The following MAP2K5 variants were observed in gnomAD, a reference collection of about 807,000 sequenced individuals.
MAP2K5 encodes mitogen-activated protein kinase kinase 5.
MAP2K5 carries 49 observed loss-of-function variants against 83.1 expected under a neutral mutation model. That is an observed-to-expected ratio of 0.59 (90% CI 0.47 to 0.75). The LOEUF (loss-of-function observed/expected upper bound fraction) is 0.75. Among genes scored for constraint, MAP2K5 ranks in the 30% least tolerant of loss-of-function variants. The probability of loss-of-function intolerance (pLI) is 0.00; values close to 1 mark genes in which losing one functional copy is unlikely to be tolerated. For synonymous variants in MAP2K5, 202 were observed against 191.8 expected (o/e 1.05, Z -0.44); for missense variants, 457 against 557.5 (o/e 0.82, Z 1.82).
At chr15:67,660,567 G>A (rs1168573030) in intron 12 of MAP2K5, among the ~76,000 whole-genome samples, 2 of 152,124 alleles carry the variant, frequency 1.3e-5, no homozygotes, top group Non-Finnish European at 2.9e-5. Context: ...AAACACAAGG[G>A]TGCCATTGCC....
At chr15:67,682,040 T>A (rs1485058503) in intron 13 of MAP2K5, among the ~76,000 whole-genome samples, 1 of 152,224 alleles carries the variant, frequency 6.6e-6, no homozygotes. Context: ...AATGAAAAGC[T>A]GTATGCCTTC....
In MAP2K5 at chr15:67,758,998, C is replaced by G. The variant is rs925287473; in HGVS notation, c.1134+10397C>G. On this transcript the variant is annotated intron_variant, in intron 19 of 21. Coordinates refer to ENST00000178640, the MANE Select transcript of MAP2K5 (RefSeq NM_145160.3). This position sits in a 1 kb window ranked among gnomAD's most constrained non-coding sequence, Gnocchi z 4.7. ...TCAGTTTTGCTGTCTATATGAATGA[C>G]CGCACATCTTTCAGTTAATTGAATT... is the stretch of plus-strand genomic sequence containing the variant. Among the ~76,000 whole-genome samples the G allele has an allele frequency of 6.6e-6, 1 of 152,178 alleles. No homozygotes were observed. The highest frequency in any genetic ancestry group is 2.4e-5 in the African/African-American group (1 of 41,436).
At chr15:67,787,277 C>A (rs1420146263) in intron 21 of MAP2K5, among the ~76,000 whole-genome samples, 1 of 152,238 alleles carries the variant, frequency 6.6e-6, no homozygotes, top group East Asian at 1.9e-4. Context: ...GGATGGGAAA[C>A]CGAGTTCAGC....
intron 8 of MAP2K5, among the ~76,000 whole-genome samples, chr15:67,629,357 G>C (rs1170279745): frequency 1.3e-5 from 2 of 150,212 alleles, no homozygotes; most frequent in African/African-American, 4.9e-5. Flanking sequence ...CTGTTCCATG[G>C]AAAGTTTAAA....
In MAP2K5 at chr15:67,637,227, G is replaced by A. The variant is rs1011834666; in HGVS notation, c.585+6300G>A. ...TTGTGGGACTTCACCTTGTCATCCT[G>A]TGAGTCAATACTCCTTAATAAATTC... is the stretch of plus-strand genomic sequence containing the variant. On this transcript the variant is annotated intron_variant, in intron 9 of 21. Transcript: ENST00000178640. The surrounding 1 kb of genome is among the most constrained non-coding windows in gnomAD (Gnocchi z 4.5). 1.3e-5 allele frequency among the ~76,000 whole-genome samples: 2 copies of A among 152,126 alleles called. No homozygotes were observed. The highest frequency in any genetic ancestry group is 2.9e-5 in the Non-Finnish European group (2 of 68,032).
intron 4 of MAP2K5, among the ~76,000 whole-genome samples, chr15:67,581,553 C>T (rs1035581900): frequency 3.0e-4 from 46 of 152,184 alleles, no homozygotes; most frequent in Non-Finnish European, 2.9e-5. Context: ...TCCATGTTTT[C>T]TAACTAATGG....
In MAP2K5 at chr15:67,640,975, G is replaced by A. The variant is rs1246608053; in HGVS notation, c.586-5256G>A. Among the ~76,000 whole-genome samples the A allele has an allele frequency of 6.6e-6, 1 of 152,170 alleles. No individual in the cohort carries two copies. Among genetic ancestry groups the A allele is most frequent in the Non-Finnish European group, 1.5e-5 (1 of 68,010 alleles). On this transcript the variant is annotated intron_variant, in intron 9 of 21. Coordinates refer to ENST00000178640, the MANE Select transcript of MAP2K5 (RefSeq NM_145160.3). This position sits in a 1 kb window ranked among gnomAD's most constrained non-coding sequence, Gnocchi z 4.6. The stretch of plus-strand genomic sequence containing the variant: ...TGACCATGTGTAATTCATGAAACGT[G>A]TTTCTACCTTTTTGTCTGTTTGTTT...
chr15:67,572,540 A>G lies in MAP2K5; in HGVS notation c.253-8214A>G, dbSNP rs368877843. 6.6e-6 allele frequency among the ~76,000 whole-genome samples: 1 copy of G among 152,294 alleles called. No homozygotes were observed. The stretch of plus-strand genomic sequence containing the variant: ...ATAGCTACTCACTCCATAGAGTAGG[A>G]CGTTCCCGAAAGTAGGAGGATGAAT... On this transcript the variant is annotated intron_variant, in intron 3 of 21. Coordinates refer to ENST00000178640, the MANE Select transcript of MAP2K5 (RefSeq NM_145160.3). This position sits in a 1 kb window ranked among gnomAD's most constrained non-coding sequence, Gnocchi z 4.2.
chr15:67,806,877 C>A lies in MAP2K5; in HGVS notation c.*127C>A. On this transcript the variant is annotated 3_prime_UTR_variant, in exon 22 of 22. Coordinates refer to ENST00000178640, the MANE Select transcript of MAP2K5 (RefSeq NM_145160.3). The stretch of plus-strand genomic sequence containing the variant: ...GCCCTGGCTTCCCTGCCCTCGCCTT[C>A]ACCTCTGTCAGCAGGTGGCCTTGCC... The A allele has an allele frequency of 6.3e-7, 1 of 1,594,848 alleles. No individual in the cohort carries two copies. Among genetic ancestry groups the A allele is most frequent in the Non-Finnish European group, 8.5e-7 (1 of 1,178,266 alleles).
chr15:67,630,852 G>T, intron 8 of MAP2K5, 36 bp from the exon 9 acceptor site: 1 of 1,554,472 alleles, frequency 6.4e-7, no homozygotes, highest in South Asian at 1.1e-5. Flanking sequence ...GTTGTTTAGT[G>T]ATCCCAAATG....
At chr15:67,549,339 T>G in intron 1 of MAP2K5, 1 of 755,820 alleles carries the variant, frequency 1.3e-6, no homozygotes, top group East Asian at 2.7e-5. Context: ...TAGGCTAGAT[T>G]AACTTTATTT....
chr15:67,573,578 G>A lies in MAP2K5; in HGVS notation c.253-7176G>A, dbSNP rs1195083883. Among the ~76,000 whole-genome samples, 1 of 152,052 alleles carries A rather than the reference G, an allele frequency of 6.6e-6. No individual in the cohort carries two copies. The highest frequency in any genetic ancestry group is 2.4e-5 in the African/African-American group (1 of 41,380). ...GGGTACACAAATCCAAACCATATCAGACTCCATCTTGAATAGAAGCTGGGT... is the reference window on the plus strand; with the variant it reads ...GGGTACACAAATCCAAACCATATCAAACTCCATCTTGAATAGAAGCTGGGT... On this transcript the variant is annotated intron_variant, in intron 3 of 21. Coordinates refer to ENST00000178640, the MANE Select transcript of MAP2K5 (RefSeq NM_145160.3). This position sits in a 1 kb window ranked among gnomAD's most constrained non-coding sequence, Gnocchi z 4.2.
At chr15:67,752,832 T>C (rs1204373985) in intron 19 of MAP2K5, among the ~76,000 whole-genome samples, 7 of 150,836 alleles carry the variant, frequency 4.6e-5, no homozygotes, top group African/African-American at 1.7e-4. Flanking sequence ...TTTGCAGAAA[T>C]GGATAAACTA....
chr15:67,680,138 T>C (rs2087780921), intron 13 of MAP2K5, among the ~76,000 whole-genome samples: 1 of 152,354 alleles, frequency 6.6e-6, no homozygotes, highest in South Asian at 2.1e-4. Flanking sequence ...GTCTGTATTA[T>C]AGCATGTGTC....
intron 21 of MAP2K5, among the ~76,000 whole-genome samples, chr15:67,797,767 C>G (rs191552321): frequency 2.6e-5 from 4 of 152,222 alleles, no homozygotes; most frequent in African/African-American, 2.4e-5. Flanking sequence ...ACTGCAACCT[C>G]TGCCTCCTGG....
chr15:67,661,771 G>A (rs11634892), intron 12 of MAP2K5, among the ~76,000 whole-genome samples: 24,531 of 151,872 alleles, frequency 0.16, 2,066 homozygotes, highest in African/African-American at 0.19. Flanking sequence ...TATCTTTAAT[G>A]GATAGTTTTT....
chr15:67,582,619 A>C (rs778047470), intron 4 of MAP2K5, among the ~76,000 whole-genome samples: 1 of 152,080 alleles, frequency 6.6e-6, no homozygotes, highest in Non-Finnish European at 1.5e-5. Context: ...CAAGAGTTTG[A>C]GACCAGCTTG....
At chr15:67,557,425 G>A (rs1397016299) in intron 2 of MAP2K5, among the ~76,000 whole-genome samples, 2 of 152,134 alleles carry the variant, frequency 1.3e-5, no homozygotes, top group Admixed American at 6.5e-5. Flanking sequence ...CTTCACACTT[G>A]TCAAACCGTG....
At chr15:67,585,376 T>C (rs2085267773) in intron 4 of MAP2K5, among the ~76,000 whole-genome samples, 1 of 152,204 alleles carries the variant, frequency 6.6e-6, no homozygotes, top group African/African-American at 2.4e-5. Context: ...ATAAAATTAG[T>C]TATATATCTG....
Sources: allele counts gnomAD v4.1 joint callset (sites outside exome capture counted in the v4.1 genomes callset), GRCh38; gene constraint gnomAD v4.1.1; non-coding constraint Gnocchi (gnomAD v3.1); transcripts MANE v1.5; gene names NCBI Gene and HGNC (gene_info 2026-07-23, HGNC 2026-07-21).